ROBO1: variants seen among roughly 807,000 people sequenced by gnomAD.
The protein encoded by ROBO1 is roundabout guidance receptor 1, also known as roundabout homolog 1.
In ROBO1, 149 loss-of-function variants were observed where a neutral mutation model predicts 195.9. That is an observed-to-expected ratio of 0.76 (90% CI 0.67 to 0.87). The LOEUF (loss-of-function observed/expected upper bound fraction) is 0.87. ROBO1 is among the 40% of genes least tolerant of loss of function. The pLI, the probability that ROBO1 is intolerant of heterozygous loss-of-function variation, is 0.00. For missense variants in ROBO1, 1,933 were observed against 2,068.3 expected (o/e 0.93, Z 1.27); for synonymous variants, 816 against 733.2 (o/e 1.11, Z -1.82).
intron 4 of ROBO1, among the ~76,000 whole-genome samples, chr3:78,773,599 C>T (rs2083431689): frequency 6.6e-6 from 1 of 151,990 alleles, no homozygotes; most frequent in Admixed American, 6.5e-5. Flanking sequence ...AAGTATCATA[C>T]ATTAATATTC....
intron 1 of ROBO1, among the ~76,000 whole-genome samples, chr3:79,723,219 T>C (rs1449758171): frequency 6.6e-6 from 1 of 152,178 alleles, no homozygotes; most frequent in Non-Finnish European, 1.5e-5. Context: ...CCCTTACTTA[T>C]GACCTGAAGG....
At position 79,161,529 on chromosome 3, in the gene ROBO1, C is replaced by G. The variant is rs370079708; in HGVS notation, c.89-35990G>C. 2.0e-4 allele frequency among the ~76,000 whole-genome samples: 31 copies of G among 151,770 alleles called. 1 individual carries two copies. The highest frequency in any genetic ancestry group is 6.4e-3 in the Middle Eastern group (2 of 314). ...ATAATTTCTACACATAGACGAGGGT[C>G]TTTGAAAAAAAGAAATGTCATTGAA... On this transcript the variant is annotated intron_variant, in intron 2 of 30. Transcript: ENST00000464233.
intron 4 of ROBO1, among the ~76,000 whole-genome samples, chr3:78,902,253 G>A (rs2037635322): frequency 6.6e-6 from 1 of 152,082 alleles, no homozygotes; most frequent in South Asian, 2.1e-4. Context: ...GTAAAGCAGA[G>A]GTGTTTTTAG....
chr3:79,740,769 A>G (rs1350193481), intron 1 of ROBO1, among the ~76,000 whole-genome samples: 1 of 152,196 alleles, frequency 6.6e-6, no homozygotes, highest in Non-Finnish European at 1.5e-5. Flanking sequence ...AATCTTGGAT[A>G]TTTGGAATGG....
intron 4 of ROBO1, among the ~76,000 whole-genome samples, chr3:78,820,268 T>C (rs1416667697): frequency 6.6e-6 from 1 of 152,240 alleles, no homozygotes. Flanking sequence ...TGTATGTATC[T>C]ATGTAGGACA....
At chr3:79,251,506 A>T (rs531032473) in intron 2 of ROBO1, among the ~76,000 whole-genome samples, 5 of 152,290 alleles carry the variant, frequency 3.3e-5, no homozygotes, top group African/African-American at 1.2e-4. Context: ...TAATCCCAGC[A>T]CTTTGGGAGG....
chr3:79,727,577 T>A (rs535709484), intron 1 of ROBO1, among the ~76,000 whole-genome samples: 1 of 152,206 alleles, frequency 6.6e-6, no homozygotes, highest in African/African-American at 2.4e-5. Context: ...CATGAGTGTT[T>A]CTATGTCTGT....
intron 10 of ROBO1, among the ~76,000 whole-genome samples, chr3:78,675,615 A>AG (rs1383326028): frequency 6.6e-6 from 1 of 151,944 alleles, no homozygotes; most frequent in Admixed American, 6.6e-5. Context: ...AGGCTGGGGG[A>AG]GGGGGGCCTG....
intron 2 of ROBO1, among the ~76,000 whole-genome samples, chr3:79,202,153 C>T (rs990957826): frequency 1.3e-5 from 2 of 151,944 alleles, no homozygotes; most frequent in Non-Finnish European, 2.9e-5. Context: ...TTAGCTGTTT[C>T]CTTGCCTGAA....
chr3:78,800,806 C>T (rs929429264), intron 4 of ROBO1, among the ~76,000 whole-genome samples: 4 of 151,946 alleles, frequency 2.6e-5, no homozygotes, highest in East Asian at 1.9e-4. Context: ...CCTTGTAATC[C>T]GCCCACCTCT....
chr3:79,222,688 T>TAA (rs2082161274), intron 2 of ROBO1, among the ~76,000 whole-genome samples: 1 of 152,050 alleles, frequency 6.6e-6, no homozygotes, highest in Non-Finnish European at 1.5e-5. Flanking sequence ...TAGATTTTTT[T>TAA]AAATGTTGAG....
intron 3 of ROBO1, among the ~76,000 whole-genome samples, chr3:79,010,917 C>T (rs924308811): frequency 2.9e-4 from 44 of 152,156 alleles, no homozygotes; most frequent in Non-Finnish European, 1.0e-4. Context: ...AAATATATTA[C>T]TAAATTCATT....
intron 3 of ROBO1, among the ~76,000 whole-genome samples, chr3:79,021,911 T>A (rs1323835693): frequency 6.6e-6 from 1 of 152,128 alleles, no homozygotes; most frequent in African/African-American, 2.4e-5. Context: ...GCACCCGCCT[T>A]GGCCTCCCAA....
intron 3 of ROBO1, among the ~76,000 whole-genome samples, chr3:78,983,352 G>GAACACAAAAACA (rs2077039321): frequency 6.6e-6 from 1 of 152,074 alleles, no homozygotes; most frequent in Non-Finnish European, 1.5e-5. Context: ...TTCCTAAAGG[G>GAACACAAAAACA]AACACAAAAA....
chr3:78,631,580 T>A (rs1705191451), intron 24 of ROBO1, among the ~76,000 whole-genome samples: 1 of 152,172 alleles, frequency 6.6e-6, no homozygotes, highest in Non-Finnish European at 1.5e-5. Flanking sequence ...CAGCAATTAA[T>A]TGCATTATGG....
intron 2 of ROBO1, among the ~76,000 whole-genome samples, chr3:79,322,444 A>G (rs1001346672): frequency 6.6e-6 from 1 of 152,178 alleles, no homozygotes; most frequent in Non-Finnish European, 1.5e-5. Context: ...AAGAATGAAA[A>G]GATCTTGAAA....
intron 2 of ROBO1, among the ~76,000 whole-genome samples, chr3:79,422,969 G>T (rs1046042962): frequency 7.0e-6 from 1 of 143,794 alleles, no homozygotes. Context: ...ACCTTATTTA[G>T]TATATTTCCA....
intron 3 of ROBO1, among the ~76,000 whole-genome samples, chr3:78,975,949 C>A (rs2076875942): frequency 6.6e-6 from 1 of 152,120 alleles, no homozygotes; most frequent in African/African-American, 2.4e-5. Context: ...GCATAAAGAC[C>A]TTTACTCAAC....
chr3:79,490,138 T>G (rs1939376871), intron 2 of ROBO1, among the ~76,000 whole-genome samples: 1 of 152,216 alleles, frequency 6.6e-6, no homozygotes. Context: ...TTTCCTATAA[T>G]TTCCGTGGTT....
Sources: gnomAD v4.1 joint callset for allele counts (sites outside exome capture counted in the v4.1 genomes callset) on GRCh38, gnomAD v4.1.1 for gene constraint, MANE v1.5 for transcripts, NCBI Gene and HGNC (gene_info 2026-07-23, HGNC 2026-07-21) for gene names.